The following KSR2 variants were observed in gnomAD, a reference collection of about 807,000 sequenced individuals.
KSR2 encodes kinase suppressor of ras 2.
Under a neutral mutation model 107.8 loss-of-function variants are expected in KSR2, and 25 were observed. The ratio of observed to expected loss-of-function variants is 0.23; its 90% CI spans 0.17 to 0.32. The LOEUF (loss-of-function observed/expected upper bound fraction) is 0.32. KSR2 is among the 10% of genes least tolerant of loss of function. KSR2 has a pLI of 1.00. For missense variants in KSR2, 887 were observed against 1,268.9 expected (o/e 0.70, Z 4.57); for synonymous variants, 480 against 507.0 (o/e 0.95, Z 0.71).
chr12:117,636,821 C>T (rs761879193), intron 5 of KSR2, among the ~76,000 whole-genome samples: 15 of 152,098 alleles, frequency 9.9e-5, no homozygotes, highest in Non-Finnish European at 1.6e-4. Context: ...ACTGCATTAA[C>T]GTTAAGAACC....
chr12:117,713,951 G>A (rs1240735979), intron 4 of KSR2, among the ~76,000 whole-genome samples: 1 of 152,154 alleles, frequency 6.6e-6, no homozygotes, highest in African/African-American at 2.4e-5. Context: ...GTGAGGTTTG[G>A]GGACTGAGGA....
chr12:117,772,260 C>A (rs1187410532), intron 3 of KSR2, among the ~76,000 whole-genome samples: 2 of 123,178 alleles, frequency 1.6e-5, no homozygotes, highest in African/African-American at 3.1e-5. Flanking sequence ...ACATACACAC[C>A]ATTCCCCCAA....
chr12:117,730,868 C>T (rs1389350051), intron 4 of KSR2, among the ~76,000 whole-genome samples: 1 of 152,220 alleles, frequency 6.6e-6, no homozygotes, highest in African/African-American at 2.4e-5. Context: ...CAACCTCCAC[C>T]TCCCAGCTGC....
chr12:117,538,225 C>T (rs1876189335), intron 10 of KSR2, among the ~76,000 whole-genome samples: 1 of 152,110 alleles, frequency 6.6e-6, no homozygotes, highest in African/African-American at 2.4e-5. Context: ...TAAGACGATT[C>T]AGCTGGTGAC....
At position 117,968,126 on chromosome 12, in the gene KSR2, T is replaced by C. The variant is rs760383314; in HGVS notation, c.130A>G (p.Lys44Glu). ...SISNLEGLRTKCATSNDLTQK... is the reference protein window; with the variant it reads ...SISNLEGLRTECATSNDLTQK... ...GTGAGGTCGTTGGAGGTAGCACATT[T>C]GGTCCTAAGCCCTTCCAGGTTGGAG... Residue 44 changes from lysine (K) to glutamate (E), a missense_variant, in exon 1 of 20, where the codon AAA (lysine) becomes GAA (glutamate). Coordinates refer to ENST00000339824, the MANE Select transcript of KSR2 (RefSeq NM_173598.6). 1.9e-6 allele frequency: 3 copies of C among 1,611,286 alleles called. No individual in the cohort carries two copies. The highest frequency in any genetic ancestry group is 2.5e-6 in the Non-Finnish European group (3 of 1,179,352).
intron 1 of KSR2, among the ~76,000 whole-genome samples, chr12:117,911,002 T>C (rs966091691): frequency 6.6e-6 from 1 of 152,190 alleles, no homozygotes; most frequent in East Asian, 1.9e-4. Flanking sequence ...TACCATATGT[T>C]TCTAAACTTC....
chr12:117,588,493 A>C (rs1880136663), intron 5 of KSR2, among the ~76,000 whole-genome samples: 1 of 152,212 alleles, frequency 6.6e-6, no homozygotes, highest in South Asian at 2.1e-4. Context: ...TGTTGAGCTC[A>C]GGATCTGCTC....
chr12:117,455,557 A>C lies in KSR2; in HGVS notation c.*11642T>G, dbSNP rs1176697399. On this transcript the variant is annotated 3_prime_UTR_variant, in exon 20 of 20. Coordinates refer to ENST00000339824, the MANE Select transcript of KSR2 (RefSeq NM_173598.6). ...CCTACTGGAACTCCTCCCTCTCTTC[A>C]TCGGACTCCTAGTACCCTGAAGGCA... The C allele has an allele frequency of 6.6e-6, 1 of 152,124 alleles. No individual in the cohort carries two copies. The highest frequency in any genetic ancestry group is 2.4e-5 in the African/African-American group (1 of 41,418). 9.4% of individuals were successfully genotyped at this position (152,124 alleles called of 1,614,324 possible).
At chr12:117,640,662 C>T (rs1883314029) in intron 5 of KSR2, among the ~76,000 whole-genome samples, 1 of 152,208 alleles carries the variant, frequency 6.6e-6, no homozygotes, top group African/African-American at 2.4e-5. Context: ...GCAGCAGCAA[C>T]AGTCATGTCT....
chr12:117,824,856 C>CAA (rs146100153), intron 3 of KSR2, among the ~76,000 whole-genome samples: 54 of 74,906 alleles, frequency 7.2e-4, no homozygotes, highest in Non-Finnish European at 8.3e-4. Context: ...GACTCTATCT[C>CAA]AAAAAAAAAA....
intron 18 of KSR2, among the ~76,000 whole-genome samples, chr12:117,470,981 C>T (rs2137114525): frequency 6.6e-6 from 1 of 152,338 alleles, no homozygotes; most frequent in African/African-American, 2.4e-5. Flanking sequence ...TGTTACTGTG[C>T]CCCTGGTGGC....
chr12:117,815,563 A>G (rs1169579277), intron 3 of KSR2, among the ~76,000 whole-genome samples: 2 of 152,242 alleles, frequency 1.3e-5, no homozygotes, highest in African/African-American at 4.8e-5. Flanking sequence ...CAAAATCATT[A>G]TCTTCACAGA....
chr12:117,608,829 A>G (rs1881432619), intron 5 of KSR2, among the ~76,000 whole-genome samples: 1 of 152,098 alleles, frequency 6.6e-6, no homozygotes, highest in Non-Finnish European at 1.5e-5. Context: ...CAAAACATCC[A>G]TGGGAAATTG....
At chr12:117,761,835 A>T (rs1401329380) in intron 3 of KSR2, among the ~76,000 whole-genome samples, 5 of 152,162 alleles carry the variant, frequency 3.3e-5, no homozygotes, top group African/African-American at 1.2e-4. Context: ...TGTTGTATGC[A>T]TGTTATATGC....
chr12:117,581,839 A>G (rs990888472), intron 6 of KSR2, among the ~76,000 whole-genome samples: 3 of 152,220 alleles, frequency 2.0e-5, no homozygotes, highest in African/African-American at 7.2e-5. Flanking sequence ...AAATTAGGAC[A>G]TAAAGCATTA....
intron 3 of KSR2, among the ~76,000 whole-genome samples, chr12:117,805,704 A>G (rs1167836274): frequency 2.6e-5 from 4 of 152,226 alleles, no homozygotes; most frequent in Non-Finnish European, 5.9e-5. Flanking sequence ...TTTCCAGGCT[A>G]GGCGCAGTGG....
At chr12:117,476,057 C>A (rs1241527076) in intron 17 of KSR2, among the ~76,000 whole-genome samples, 1 of 152,250 alleles carries the variant, frequency 6.6e-6, no homozygotes, top group African/African-American at 2.4e-5. Flanking sequence ...AGCTAAGCCA[C>A]TCTCAAATTC....
At chr12:117,810,304 A>AATTTTATTTTATTTTATTTTATTTT in intron 3 of KSR2, among the ~76,000 whole-genome samples, 1 of 152,144 alleles carries the variant, frequency 6.6e-6, no homozygotes, top group East Asian at 1.9e-4. Flanking sequence ...ATCCTCTCTC[A>AATTTTATTTTATTTTATTTTATTTT]ATTTTATTTT....
At chr12:117,894,990 G>T (rs116441427) in intron 1 of KSR2, among the ~76,000 whole-genome samples, 7,240 of 151,776 alleles carry the variant, frequency 0.048, 555 homozygotes, top group African/African-American at 0.16. Flanking sequence ...AGCTACTCGG[G>T]AGACTGAGCC....
Sources: allele counts gnomAD v4.1 joint callset (sites outside exome capture counted in the v4.1 genomes callset), GRCh38; gene constraint gnomAD v4.1.1; transcripts MANE v1.5; gene names NCBI Gene and HGNC (gene_info 2026-07-23, HGNC 2026-07-21).